Variants in AFAP1 observed in about 807,000 individuals in gnomAD.
AFAP1 encodes the protein actin filament-associated protein 1.
AFAP1 carries 75 observed loss-of-function variants against 93.9 expected under a neutral mutation model. The ratio of observed to expected loss-of-function variants is 0.80; its 90% confidence interval spans 0.66 to 0.97. The LOEUF (loss-of-function observed/expected upper bound fraction) is 0.97, where lower values mean the gene tolerates loss of function less well. Ranked by LOEUF, AFAP1 falls within the 50% of genes least tolerant of loss-of-function variation. The pLI is 0.00. For synonymous variants in AFAP1, 517 were observed against 430.7 expected (o/e 1.20, Z -2.48); for missense variants, 1,201 against 1,050.8 (o/e 1.14, Z -1.98).
At chr4:7,862,621 A>C (rs1715864104) in intron 3 of AFAP1, among the ~76,000 whole-genome samples, 1 of 152,168 alleles carries the variant, frequency 6.6e-6, no homozygotes, top group Non-Finnish European at 1.5e-5. Flanking sequence ...ACCACAATAA[A>C]AGGAAACTTG....
intron 1 of AFAP1, among the ~76,000 whole-genome samples, chr4:7,887,720 A>T (rs1481370089): frequency 1.4e-5 from 2 of 144,038 alleles, no homozygotes; most frequent in Admixed American, 1.4e-4. Context: ...ACATGGTTTC[A>T]GTATTTTCTT....
intron 11 of AFAP1, among the ~76,000 whole-genome samples, chr4:7,793,173 T>TTAA (rs1553829041): frequency 3.3e-5 from 5 of 150,514 alleles, no homozygotes; most frequent in East Asian, 3.9e-4. Context: ...TTTTTTTTTT[T>TTAA]AAAAAAATCA....
At chr4:7,804,536 G>T (rs891824301) in intron 9 of AFAP1, among the ~76,000 whole-genome samples, 1 of 152,048 alleles carries the variant, frequency 6.6e-6, no homozygotes, top group African/African-American at 2.4e-5. Context: ...AAAAAATACA[G>T]ATGGAGGGGA....
intron 6 of AFAP1, among the ~76,000 whole-genome samples, chr4:7,834,584 A>G (rs1420749658): frequency 6.6e-6 from 1 of 152,282 alleles, no homozygotes; most frequent in Non-Finnish European, 1.5e-5. Context: ...TAAGGCAGCT[A>G]CTATGATAGT....
intron 1 of AFAP1, among the ~76,000 whole-genome samples, chr4:7,920,866 G>A (rs566264029): frequency 3.7e-4 from 57 of 152,172 alleles, no homozygotes; most frequent in Middle Eastern, 3.4e-3. Context: ...CCCTAAACCT[G>A]AAAAATATCT....
At chr4:7,921,954 C>G (rs1348588459) in intron 1 of AFAP1, among the ~76,000 whole-genome samples, 1 of 152,198 alleles carries the variant, frequency 6.6e-6, no homozygotes, top group African/African-American at 2.4e-5. Context: ...GAAACCCCGT[C>G]TCTACTAAAA....
chr4:7,898,688 G>C (rs1718931436), intron 1 of AFAP1, among the ~76,000 whole-genome samples: 2 of 148,160 alleles, frequency 1.3e-5, no homozygotes, highest in South Asian at 4.2e-4. Context: ...CTCTCCCTTT[G>C]TGAACCCATC....
At chr4:7,880,887 C>T (rs13130704) in intron 1 of AFAP1, among the ~76,000 whole-genome samples, 47,313 of 152,102 alleles carry the variant, frequency 0.31, 8,996 homozygotes, top group Non-Finnish European at 0.44. Flanking sequence ...AAAGTTGCCA[C>T]GGGCGACAGG....
At chr4:7,908,612 T>C (rs1168389431) in intron 1 of AFAP1, among the ~76,000 whole-genome samples, 4 of 152,262 alleles carry the variant, frequency 2.6e-5, no homozygotes, top group African/African-American at 4.8e-5. Context: ...AGGAGGCACA[T>C]ACTAGGTGCC....
At chr4:7,811,525 G>GC (rs1359830422) in intron 8 of AFAP1, among the ~76,000 whole-genome samples, 1 of 151,950 alleles carries the variant, frequency 6.6e-6, no homozygotes, top group East Asian at 1.9e-4. Flanking sequence ...CCACCCTGGT[G>GC]CCCCCACCAC....
chr4:7,769,210 G>A (rs964302754), intron 16 of AFAP1, among the ~76,000 whole-genome samples: 13 of 152,198 alleles, frequency 8.5e-5, no homozygotes, highest in Non-Finnish European at 1.3e-4. Context: ...CAGAGGCTCC[G>A]ACGGGCAGGT....
At position 7,921,507 on chromosome 4, in the gene AFAP1, T is replaced by C. The variant is rs549065390; in HGVS notation, c.-3+18149A>G. Among the ~76,000 whole-genome samples, 297 of 151,758 alleles carry C rather than the reference T, an allele frequency of 2.0e-3. 1 individual carries two copies. The highest frequency in any genetic ancestry group is 2.9e-3 in the Non-Finnish European group (200 of 67,950). On this transcript the variant is annotated intron_variant, in intron 1 of 17. Transcript: ENST00000420658. ...GCCACTTTTTTTTTAACCTATCTATTAGACTGACAAACAAAACATCTGAGA... is the reference window on the plus strand; with the variant it reads ...GCCACTTTTTTTTTAACCTATCTATCAGACTGACAAACAAAACATCTGAGA...
intron 1 of AFAP1, among the ~76,000 whole-genome samples, chr4:7,912,830 T>C (rs1719814303): frequency 1.3e-5 from 2 of 152,120 alleles, no homozygotes; most frequent in South Asian, 2.1e-4. Context: ...AGGTTTTTTT[T>C]CTATGAATAA....
At position 7,845,244 on chromosome 4, in the gene AFAP1, G is replaced by A. The variant is rs577960568; in HGVS notation, c.335-1894C>T. Among the ~76,000 whole-genome samples the A allele has an allele frequency of 2.4e-4, 36 of 152,022 alleles. 1 individual carries two copies. The highest frequency in any genetic ancestry group is 1.2e-3 in the South Asian group (6 of 4,806). ...CAAGACCAAGCCTGGGCAACATAGC[G>A]AGACCCTATCTCTATAAAAAGTAAA... On this transcript the variant is annotated intron_variant, in intron 4 of 17. Transcript: ENST00000420658.
Position 7,769,153 on chromosome 4 carries a change from T to C in AFAP1, c.2254-145A>G, listed in dbSNP as rs1715048111. 8.2e-6 allele frequency: 9 copies of C among 1,098,730 alleles called. No individual in the cohort carries two copies. In the African/African-American group the frequency reaches 1.1e-4, roughly 14 times the overall value. 68.1% of individuals were successfully genotyped at this position (1,098,730 alleles called of 1,614,324 possible). On this transcript the variant is annotated intron_variant, in intron 16 of 17. Transcript: ENST00000420658. ...AGTAGCAGCAAGGACTGCCACGTGGTCAGTGCCTCACCCCCAGAGCGTCTC... is the reference window on the plus strand; with the variant it reads ...AGTAGCAGCAAGGACTGCCACGTGGCCAGTGCCTCACCCCCAGAGCGTCTC...
At chr4:7,801,001 G>A (rs866201682) in intron 9 of AFAP1, among the ~76,000 whole-genome samples, 2 of 152,186 alleles carry the variant, frequency 1.3e-5, no homozygotes, top group African/African-American at 2.4e-5. Flanking sequence ...TGGCCAGGAT[G>A]GGGGCACGAC....
In AFAP1 at chr4:7,855,570, G is replaced by T; in HGVS notation, c.230C>A (p.Pro77His). ...TGGCAATGGTGGAGGCCCACTGTCAGGAGGCTGAGGAAGAAAGGAAAAGTG... is the reference window on the plus strand; with the variant it reads ...TGGCAATGGTGGAGGCCCACTGTCATGAGGCTGAGGAAGAAAGGAAAAGTG... ...LPEIPQPWLPPDSGPPPLPTS... is the reference protein window; with the variant it reads ...LPEIPQPWLPHDSGPPPLPTS... Residue 77 changes from proline to histidine, a missense_variant, in exon 4 of 18, where the codon CCT (proline) becomes CAT (histidine). Physicochemically the swap from Pro to His is moderately conservative, Grantham distance 77. Coordinates refer to ENST00000420658, the MANE Select transcript of AFAP1 (RefSeq NM_001134647.2). The T allele has an allele frequency of 6.2e-7, 1 of 1,609,696 alleles. No individual in the cohort carries two copies. Among genetic ancestry groups the T allele is most frequent in the Non-Finnish European group, 8.5e-7 (1 of 1,176,106 alleles).
intron 1 of AFAP1, among the ~76,000 whole-genome samples, chr4:7,935,735 G>A (rs560188534): frequency 1.5e-4 from 23 of 152,246 alleles, no homozygotes; most frequent in African/African-American, 3.9e-4. Flanking sequence ...CAAAGCAAGG[G>A]TATACTTCAG....
intron 3 of AFAP1, among the ~76,000 whole-genome samples, chr4:7,867,226 G>T (rs980130695): frequency 2.6e-5 from 4 of 152,166 alleles, no homozygotes; most frequent in African/African-American, 9.7e-5. Flanking sequence ...ATGGCCGGGT[G>T]GTTGGCTGAA....
Sources: gnomAD v4.1 joint callset for allele counts (sites outside exome capture counted in the v4.1 genomes callset) on GRCh38, gnomAD v4.1.1 for gene constraint, MANE v1.5 for transcripts, NCBI Gene and HGNC (gene_info 2026-07-23, HGNC 2026-07-21) for gene names.